Variants in MTCL3 observed in about 807,000 individuals in gnomAD.
MTCL3 encodes the protein microtubule cross-linking factor 3.
the MTCL3 span, chr6:127,476,099 A>C: frequency 6.2e-7 from 1 of 1,613,902 alleles, no homozygotes; most frequent in Non-Finnish European, 8.5e-7. This position sits in a 1 kb window ranked among gnomAD's most constrained non-coding sequence, Gnocchi z 4.4. Context: ...CGCAGCTCCG[A>C]CAGGGATTCG....
the MTCL3 span, chr6:127,475,942 T>C: frequency 6.2e-7 from 1 of 1,612,774 alleles, no homozygotes; most frequent in Non-Finnish European, 8.5e-7. This position sits in a 1 kb window ranked among gnomAD's most constrained non-coding sequence, Gnocchi z 7.3. Flanking sequence ...GGTCTTGGCG[T>C]TGTCGTGGTG....
the MTCL3 span, among the ~76,000 whole-genome samples, chr6:127,488,039 C>A: frequency 6.6e-6 from 1 of 151,946 alleles, no homozygotes; most frequent in Non-Finnish European, 1.5e-5. Flanking sequence ...AATCCCACAT[C>A]CCAAACAAGC....
chr6:127,516,360 G>T, the MTCL3 span: 1 of 1,599,096 alleles, frequency 6.3e-7, no homozygotes. Context: ...TGCGGCTCCC[G>T]GTCTTGTTAC....
chr6:127,513,481 A>G, the MTCL3 span, among the ~76,000 whole-genome samples: 1 of 152,370 alleles, frequency 6.6e-6, no homozygotes, highest in East Asian at 1.9e-4. Flanking sequence ...AGATGTTTCC[A>G]TTATAATCTA....
the MTCL3 span, among the ~76,000 whole-genome samples, chr6:127,514,348 C>T: frequency 6.6e-6 from 1 of 152,116 alleles, no homozygotes; most frequent in Non-Finnish European, 1.5e-5. Context: ...GTGGAGTGGA[C>T]ACTTGCTGAA....
At chr6:127,491,410 C>A in the MTCL3 span, among the ~76,000 whole-genome samples, 2 of 152,218 alleles carry the variant, frequency 1.3e-5, no homozygotes. Context: ...CCAGGGAAGA[C>A]CCGCCATCCA....
chr6:127,492,223 T>C, the MTCL3 span, among the ~76,000 whole-genome samples: 2 of 152,196 alleles, frequency 1.3e-5, no homozygotes, highest in African/African-American at 4.8e-5. Flanking sequence ...CACAGAATTA[T>C]GAGCCACATA....
the MTCL3 span, chr6:127,516,298 G>T: frequency 2.8e-5 from 43 of 1,562,528 alleles, no homozygotes; most frequent in Non-Finnish European, 3.6e-5. Flanking sequence ...CGCCAGGGGC[G>T]TCGCCTTCTC....
At chr6:127,476,362 T>C in the MTCL3 span, 19 of 1,614,218 alleles carry the variant, frequency 1.2e-5, no homozygotes, top group East Asian at 4.2e-4. The surrounding 1 kb of genome is among the most constrained non-coding windows in gnomAD (Gnocchi z 4.4). Flanking sequence ...CTGGAGCTCG[T>C]GTTCAAATCT....
At chr6:127,477,768 C>A in the MTCL3 span, among the ~76,000 whole-genome samples, 1 of 152,220 alleles carries the variant, frequency 6.6e-6, no homozygotes, top group South Asian at 2.1e-4. Flanking sequence ...ACATTACATT[C>A]CATATAGTAT....
At chr6:127,511,976 G>A in the MTCL3 span, among the ~76,000 whole-genome samples, 8 of 152,182 alleles carry the variant, frequency 5.3e-5, no homozygotes, top group African/African-American at 1.9e-4. Flanking sequence ...CCAAGCAGAG[G>A]AAATTTTTCG....
At chr6:127,515,070 GT>G in the MTCL3 span, 1 of 1,606,294 alleles carries the variant, frequency 6.2e-7, no homozygotes, top group Non-Finnish European at 8.5e-7. The surrounding 1 kb of genome is among the most constrained non-coding windows in gnomAD (Gnocchi z 4.3). Context: ...CAGGCCGCGT[GT>G]CAAAATCAAA....
At chr6:127,502,967 C>T in the MTCL3 span, among the ~76,000 whole-genome samples, 1 of 152,186 alleles carries the variant, frequency 6.6e-6, no homozygotes, top group Non-Finnish European at 1.5e-5. Flanking sequence ...TCCAAAGATT[C>T]CCTTTCTGTA....
the MTCL3 span, chr6:127,475,767 G>T: frequency 6.2e-7 from 1 of 1,607,288 alleles, no homozygotes; most frequent in Admixed American, 1.7e-5. The surrounding 1 kb of genome is among the most constrained non-coding windows in gnomAD (Gnocchi z 7.3). Flanking sequence ...CGTCGCTCTC[G>T]GCGTCGCTGT....
chr6:127,516,190 G>T, the MTCL3 span: 4 of 1,431,180 alleles, frequency 2.8e-6, no homozygotes, highest in Admixed American at 6.0e-5. Flanking sequence ...CTCCTCGGGC[G>T]GTCCGGGCCT....
At chr6:127,494,356 T>C in the MTCL3 span, among the ~76,000 whole-genome samples, 2 of 151,934 alleles carry the variant, frequency 1.3e-5, no homozygotes, top group African/African-American at 2.4e-5. Context: ...TTAAAAACCA[T>C]AGGATATCAG....
the MTCL3 span, among the ~76,000 whole-genome samples, chr6:127,518,224 A>T: frequency 2.6e-5 from 4 of 152,252 alleles, no homozygotes; most frequent in African/African-American, 7.2e-5. Context: ...TGGCACTAAC[A>T]TGGGCTATCT....
At chr6:127,515,377 C>G in the MTCL3 span, 1 of 871,006 alleles carries the variant, frequency 1.1e-6, no homozygotes, top group Non-Finnish European at 1.7e-6. The surrounding 1 kb of genome is among the most constrained non-coding windows in gnomAD (Gnocchi z 4.3). Context: ...TAGGAAACCC[C>G]CTCCCTCCTT....
the MTCL3 span, among the ~76,000 whole-genome samples, chr6:127,481,935 C>CAAGAT: frequency 6.6e-6 from 1 of 152,158 alleles, no homozygotes; most frequent in South Asian, 2.1e-4. Context: ...TCACCAAAAC[C>CAAGAT]GGGAATGACC....
Sources: allele counts gnomAD v4.1 joint callset (sites outside exome capture counted in the v4.1 genomes callset), GRCh38; gene constraint gnomAD v4.1.1; non-coding constraint Gnocchi (gnomAD v3.1); transcripts MANE v1.5; gene names NCBI Gene and HGNC (gene_info 2026-07-23, HGNC 2026-07-21).